Variants in ZBTB7C observed in about 807,000 individuals in gnomAD.
The protein encoded by ZBTB7C is zinc finger and BTB domain-containing protein 7C.
A neutral mutation model predicts 25.7 loss-of-function variants in ZBTB7C; 8 were observed. The observed-to-expected ratio is 0.31, with a 90% confidence interval of 0.18 to 0.56. The LOEUF is 0.56. Among genes scored for constraint, ZBTB7C ranks in the 20% least tolerant of loss-of-function variants. ZBTB7C has a pLI of 0.91. For missense variants in ZBTB7C, 824 were observed against 855.2 expected, an observed-to-expected ratio of 0.96 and a Z score of 0.46; for synonymous variants, 394 against 369.0, an observed-to-expected ratio of 1.07 and a Z score of -0.78.
chr18:48,242,894 A>G (rs1269303798), intron 2 of ZBTB7C, among the ~76,000 whole-genome samples: 2 of 152,174 alleles, frequency 1.3e-5, no homozygotes, highest in Non-Finnish European at 2.9e-5. Context: ...AAATCAGTAA[A>G]AAGGAAGTCA....
chr18:48,066,476 C>A (rs55920797), intron 3 of ZBTB7C, among the ~76,000 whole-genome samples: 26,321 of 152,142 alleles, frequency 0.17, 3,080 homozygotes, highest in Non-Finnish European at 0.24. Flanking sequence ...TGTGCAGAGA[C>A]CATATCTGTA....
intron 2 of ZBTB7C, among the ~76,000 whole-genome samples, chr18:48,288,287 T>C (rs1028469262): frequency 6.6e-6 from 1 of 152,086 alleles, no homozygotes. Flanking sequence ...TGTAAGAAGG[T>C]GGGGACTTTG....
At chr18:48,163,234 T>A (rs1161087334) in intron 3 of ZBTB7C, among the ~76,000 whole-genome samples, 1 of 152,140 alleles carries the variant, frequency 6.6e-6, no homozygotes, top group Non-Finnish European at 1.5e-5. Flanking sequence ...CTCCCCCCTT[T>A]ATAATAACTG....
In ZBTB7C at chr18:48,224,647, G is replaced by T. The variant is rs182167691; in HGVS notation, c.-78-38652C>A. On this transcript the variant is annotated intron_variant, in intron 2 of 4. Transcript: ENST00000590800. The stretch of plus-strand genomic sequence containing the variant: ...ATATGAGGGGCTCTGTCTGACAGAT[G>T]TACGTTCAAACACCAACACTACCAC... Among the ~76,000 whole-genome samples, 275 of 152,298 alleles carry T rather than the reference G, an allele frequency of 1.8e-3. 1 individual carries two copies. The highest frequency in any genetic ancestry group is 4.0e-3 in the Admixed American group (61 of 15,304).
At chr18:48,405,153 G>A (rs749442948) in intron 1 of ZBTB7C, among the ~76,000 whole-genome samples, 7 of 150,924 alleles carry the variant, frequency 4.6e-5, no homozygotes, top group East Asian at 1.9e-4. Context: ...AAATCTGTTC[G>A]GCCTCAGGGA....
chr18:48,301,463 A>T (rs1420600520), intron 2 of ZBTB7C, among the ~76,000 whole-genome samples: 1 of 152,204 alleles, frequency 6.6e-6, no homozygotes, highest in African/African-American at 2.4e-5. Context: ...TGGGCGACAG[A>T]GTGAGACTCC....
intron 1 of ZBTB7C, among the ~76,000 whole-genome samples, chr18:48,400,285 C>T (rs895241814): frequency 2.0e-5 from 3 of 152,136 alleles, no homozygotes; most frequent in Admixed American, 6.5e-5. Flanking sequence ...CAAGCTCTAC[C>T]GCCACCCTCC....
intron 3 of ZBTB7C, among the ~76,000 whole-genome samples, chr18:48,081,079 C>G (rs1378346404): frequency 6.6e-6 from 1 of 152,200 alleles, no homozygotes; most frequent in East Asian, 1.9e-4. Context: ...GGGTAAATTC[C>G]TTGAAATGGA....
chr18:48,261,297 G>A (rs956518863), intron 2 of ZBTB7C, among the ~76,000 whole-genome samples: 2 of 152,140 alleles, frequency 1.3e-5, no homozygotes, highest in Non-Finnish European at 2.9e-5. Context: ...GCTGGGCAGG[G>A]CACCGTGTGC....
At chr18:48,153,377 G>A (rs1480073860) in intron 3 of ZBTB7C, among the ~76,000 whole-genome samples, 3 of 152,152 alleles carry the variant, frequency 2.0e-5, no homozygotes, top group African/African-American at 7.2e-5. Context: ...AATAGAGGGA[G>A]AGGAGCTAGA....
intron 1 of ZBTB7C, among the ~76,000 whole-genome samples, chr18:48,352,542 C>A (rs1193398058): frequency 6.6e-6 from 1 of 152,148 alleles, no homozygotes; most frequent in Non-Finnish European, 1.5e-5. Flanking sequence ...ATCTGCTTGG[C>A]CAGCCAGGGA....
At chr18:48,033,965 T>C (rs2035864133) in intron 4 of ZBTB7C, among the ~76,000 whole-genome samples, 1 of 152,180 alleles carries the variant, frequency 6.6e-6, no homozygotes, top group Non-Finnish European at 1.5e-5. Flanking sequence ...CATGAGTGTA[T>C]GCATCTGGGT....
At chr18:48,082,599 T>C (rs1234481443) in intron 3 of ZBTB7C, among the ~76,000 whole-genome samples, 1 of 152,100 alleles carries the variant, frequency 6.6e-6, no homozygotes, top group Non-Finnish European at 1.5e-5. Flanking sequence ...TATATGTCTA[T>C]GTATTTTACC....
At chr18:48,177,387 C>G (rs1340017378) in intron 3 of ZBTB7C, among the ~76,000 whole-genome samples, 1 of 152,180 alleles carries the variant, frequency 6.6e-6, no homozygotes, top group Non-Finnish European at 1.5e-5. Context: ...TAGAACTATT[C>G]TAGTCCCCTC....
At chr18:48,155,195 G>A (rs184722194) in intron 3 of ZBTB7C, among the ~76,000 whole-genome samples, 5 of 151,952 alleles carry the variant, frequency 3.3e-5, no homozygotes, top group Admixed American at 6.6e-5. Context: ...GACCTCTTTT[G>A]TCACAGGAAC....
At chr18:48,032,810 C>A (rs1452380384) in intron 4 of ZBTB7C, among the ~76,000 whole-genome samples, 1 of 152,008 alleles carries the variant, frequency 6.6e-6, no homozygotes, top group East Asian at 1.9e-4. Flanking sequence ...AAACAATGGA[C>A]AATATAAGTG....
intron 2 of ZBTB7C, among the ~76,000 whole-genome samples, chr18:48,260,104 C>T (rs1598724802): frequency 6.6e-6 from 1 of 152,100 alleles, no homozygotes; most frequent in African/African-American, 2.4e-5. Context: ...TGGAAACAGC[C>T]CAAATGTCTA....
At chr18:48,384,472 A>C (rs916240152) in intron 1 of ZBTB7C, among the ~76,000 whole-genome samples, 7 of 152,226 alleles carry the variant, frequency 4.6e-5, no homozygotes, top group Admixed American at 3.3e-4. Context: ...TTCCTAGAAT[A>C]GAGGCTATTG....
At chr18:48,072,317 G>T (rs1157754879) in intron 3 of ZBTB7C, 1 of 152,144 alleles carries the variant, frequency 6.6e-6, no homozygotes. Flanking sequence ...CTACAAAAGG[G>T]AGTCAAGGGT....
Sources: gnomAD v4.1 joint callset for allele counts (sites outside exome capture counted in the v4.1 genomes callset) on GRCh38, gnomAD v4.1.1 for gene constraint, MANE v1.5 for transcripts, NCBI Gene and HGNC (gene_info 2026-07-23, HGNC 2026-07-21) for gene names.